Variants in IL10RB observed in about 807,000 individuals in gnomAD.
The protein encoded by IL10RB is interleukin 10 receptor subunit beta, also known as interleukin-10 receptor subunit beta.
IL10RB carries 30 observed loss-of-function variants against 38.7 expected under a neutral mutation model. The observed-to-expected ratio is 0.78, with a 90% confidence interval of 0.58 to 1.05. The LOEUF (loss-of-function observed/expected upper bound fraction) is 1.05, where lower values mean the gene tolerates loss of function less well. IL10RB is among the 50% of genes least tolerant of loss of function. IL10RB has a pLI of 0.00. For missense variants in IL10RB, 328 were observed against 397.1 expected, an observed-to-expected ratio of 0.83 and a Z score of 1.48; for synonymous variants, 142 against 145.9, an observed-to-expected ratio of 0.97 and a Z score of 0.19.
intron 2 of IL10RB, among the ~76,000 whole-genome samples, chr21:33,270,841 A>G (rs926858853): frequency 1.3e-5 from 2 of 151,406 alleles, no homozygotes; most frequent in Non-Finnish European, 2.9e-5. Flanking sequence ...TGCCCAACTG[A>G]TTTTTGTACT....
intron 5 of IL10RB, among the ~76,000 whole-genome samples, chr21:33,287,891 G>C (rs1989404422): frequency 6.6e-6 from 1 of 152,160 alleles, no homozygotes; most frequent in Non-Finnish European, 1.5e-5. Flanking sequence ...ATGTATGTCA[G>C]CAATAATTCC....
rs1361886114 is a variant in IL10RB at position 33,279,935 on chromosome 21, G to A, written c.498+17G>A. 1 of 1,608,490 alleles carries A rather than the reference G, an allele frequency of 6.2e-7. No homozygotes were observed. Among genetic ancestry groups the A allele is most frequent in the South Asian group, 1.1e-5 (1 of 90,738 alleles). ...GATGAAAAGGTAAGGTTGGCTAATT[G>A]CATTTCAGAGGTAGTAGGCTTTCAT... On this transcript the variant is annotated intron_variant, in intron 4 of 6. Transcript: ENST00000290200.
At chr21:33,276,423 G>A (rs764008215) in intron 2 of IL10RB, among the ~76,000 whole-genome samples, 173 bp from the exon 3 acceptor site, 14 of 152,078 alleles carry the variant, frequency 9.2e-5, no homozygotes, top group East Asian at 1.9e-4. Flanking sequence ...GGAGAGGCAC[G>A]TAGTCATTAA....
chr21:33,306,725 T>C (rs77065560), intron 1 of IL10RB, among the ~76,000 whole-genome samples: 3,262 of 152,116 alleles, frequency 0.021, 54 homozygotes, highest in Non-Finnish European at 0.031. Flanking sequence ...TTTGTAGAGA[T>C]GGGGTCTCAC....
intron 6 of IL10RB, among the ~76,000 whole-genome samples, chr21:33,293,098 C>T (rs1989521548): frequency 6.6e-6 from 1 of 152,192 alleles, no homozygotes; most frequent in Non-Finnish European, 1.5e-5. Flanking sequence ...CCTGGCATGC[C>T]CCACTGCAAG....
At chr21:33,286,301 G>A (rs1295987439) in intron 5 of IL10RB, among the ~76,000 whole-genome samples, 1 of 152,316 alleles carries the variant, frequency 6.6e-6, no homozygotes, top group East Asian at 1.9e-4. Flanking sequence ...CCTTTAAAAC[G>A]ACATGATCTT....
At chr21:33,275,538 G>T (rs1859667614) in intron 2 of IL10RB, among the ~76,000 whole-genome samples, 1 of 152,160 alleles carries the variant, frequency 6.6e-6, no homozygotes, top group African/African-American at 2.4e-5. Flanking sequence ...ATTAGACTTT[G>T]GCTTAAGGGA....
intron 2 of IL10RB, among the ~76,000 whole-genome samples, chr21:33,271,306 C>T (rs977076943): frequency 1.3e-5 from 2 of 151,962 alleles, no homozygotes; most frequent in African/African-American, 2.4e-5. Flanking sequence ...CGTCCAGAGC[C>T]GGGGGCACTT....
chr21:33,293,361 A>T (rs1989526268), intron 6 of IL10RB, among the ~76,000 whole-genome samples: 1 of 152,240 alleles, frequency 6.6e-6, no homozygotes, highest in Admixed American at 6.5e-5. Flanking sequence ...CAGCCTAGAA[A>T]GGGACTCAGC....
chr21:33,288,502 C>G (rs915715145), intron 6 of IL10RB, among the ~76,000 whole-genome samples: 2 of 152,070 alleles, frequency 1.3e-5, no homozygotes, highest in Admixed American at 6.5e-5. Flanking sequence ...GTATCCCTCT[C>G]TGCACCTAGG....
chr21:33,293,766 C>A (rs1989534667), intron 6 of IL10RB, among the ~76,000 whole-genome samples: 1 of 150,898 alleles, frequency 6.6e-6, no homozygotes, highest in South Asian at 2.1e-4. Flanking sequence ...GAGATCGCGC[C>A]ACCGCACTCC....
rs8178515 is a variant in IL10RB at position 33,286,243 on chromosome 21, G to A, written c.647-1861G>A. On this transcript the variant is annotated intron_variant, in intron 5 of 6. Coordinates refer to ENST00000290200, the MANE Select transcript of IL10RB (RefSeq NM_000628.5). Reference sequence around the variant, plus strand: ...GTGCCAGCAGGTGACTGCACTTGCTGTAGCTCCAGGGTCATGTGCTGTGTC... The same window carrying A: ...GTGCCAGCAGGTGACTGCACTTGCTATAGCTCCAGGGTCATGTGCTGTGTC... Among the ~76,000 whole-genome samples, 1,193 of 152,346 alleles carry A rather than the reference G, an allele frequency of 7.8e-3. 8 individuals carry two copies. The highest frequency in any genetic ancestry group is 0.023 in the African/African-American group (938 of 41,586).
chr21:33,286,236 A>G (rs955716112), intron 5 of IL10RB, among the ~76,000 whole-genome samples: 1 of 152,220 alleles, frequency 6.6e-6, no homozygotes, highest in African/African-American at 2.4e-5. Context: ...AGGTGACTGC[A>G]CTTGCTGTAG....
chr21:33,277,996 G>C (rs1989207540), intron 3 of IL10RB, among the ~76,000 whole-genome samples: 1 of 143,614 alleles, frequency 7.0e-6, no homozygotes. Context: ...TTTAAGACCA[G>C]CCTGGGCAAC....
In IL10RB at chr21:33,266,530, G is replaced by A; in HGVS notation, c.49+16G>A. On this transcript the variant is annotated intron_variant, in intron 1 of 6. Transcript: ENST00000290200. ...CTGGTGTCAGGTGAGGGGTCCGCGG[G>A]GAGGGGGCGCGCTTGGGAACCGGGA... 1 of 1,541,286 alleles carries A rather than the reference G, an allele frequency of 6.5e-7. No homozygotes were observed. Among genetic ancestry groups the A allele is most frequent in the Non-Finnish European group, 8.7e-7 (1 of 1,146,912 alleles).
At chr21:33,277,413 G>A (rs1187111192) in intron 3 of IL10RB, among the ~76,000 whole-genome samples, 1 of 151,956 alleles carries the variant, frequency 6.6e-6, no homozygotes, top group Non-Finnish European at 1.5e-5. Context: ...TATGAGATGA[G>A]CATATTTAGA....
intron 1 of IL10RB, among the ~76,000 whole-genome samples, chr21:33,266,752 CAG>C (rs766515729): frequency 4.6e-5 from 7 of 152,308 alleles, no homozygotes; most frequent in Non-Finnish European, 7.4e-5. Flanking sequence ...GCCCTAAACT[CAG>C]GGGGAGACTC....
At chr21:33,290,925 G>A (rs1007670651) in intron 6 of IL10RB, among the ~76,000 whole-genome samples, 6 of 152,184 alleles carry the variant, frequency 3.9e-5, no homozygotes, top group Non-Finnish European at 7.3e-5. Flanking sequence ...CACGGTTCTC[G>A]AGGCCAGACG....
intron 2 of IL10RB, among the ~76,000 whole-genome samples, chr21:33,269,112 A>C (rs1290075978): frequency 6.6e-6 from 1 of 152,242 alleles, no homozygotes; most frequent in East Asian, 1.9e-4. Context: ...ACAGCTACTG[A>C]CTGTTAAAAA....
Sources: allele counts gnomAD v4.1 joint callset (sites outside exome capture counted in the v4.1 genomes callset), GRCh38; gene constraint gnomAD v4.1.1; transcripts MANE v1.5; gene names NCBI Gene and HGNC (gene_info 2026-07-23, HGNC 2026-07-21).